Variants in CACNG1 observed in about 807,000 individuals in gnomAD.
CACNG1 encodes calcium voltage-gated channel auxiliary subunit gamma 1.
Under a neutral mutation model 22.0 loss-of-function variants are expected in CACNG1, and 21 were observed. That is an observed-to-expected ratio of 0.95 (90% CI 0.68 to 1.37). CACNG1 has a LOEUF of 1.37. Among genes scored for constraint, CACNG1 ranks in the 40% most tolerant of loss-of-function variants. The pLI, the probability that CACNG1 is intolerant of heterozygous loss-of-function variation, is 0.00. For synonymous variants in CACNG1, 127 were observed against 129.2 expected (o/e 0.98, Z 0.12); for missense variants, 291 against 308.6 (o/e 0.94, Z 0.43).
In CACNG1 at chr17:67,056,536, A is replaced by G. The variant is rs1180618826; in HGVS notation, c.*265A>G. The G allele has an allele frequency of 1.9e-6, 1 of 521,814 alleles. No homozygotes were observed. The highest frequency in any genetic ancestry group is 3.5e-6 in the Non-Finnish European group (1 of 289,008). The allele number at this position is 521,814 out of a possible 1,614,324, so 32.3% of individuals were successfully genotyped here. A position where few individuals can be genotyped will look rare whatever the true frequency, so the allele number is the denominator to read the frequency against. ...GTGGACAGGTGTTTGCAGGGGCCCAACTTCCCCTGGAGCTCAGAGGTGTCC... is the reference window on the plus strand; with the variant it reads ...GTGGACAGGTGTTTGCAGGGGCCCAGCTTCCCCTGGAGCTCAGAGGTGTCC... On this transcript the variant is annotated 3_prime_UTR_variant, in exon 4 of 4. Coordinates refer to ENST00000226021, the MANE Select transcript of CACNG1 (RefSeq NM_000727.4). This position sits in a 1 kb window ranked among gnomAD's most constrained non-coding sequence, Gnocchi z 4.3.
chr17:67,056,115 C>G lies in CACNG1; in HGVS notation c.513C>G (p.Thr171=), dbSNP rs754021424. The G allele has an allele frequency of 7.4e-6, 12 of 1,613,580 alleles. No homozygotes were observed. Among genetic ancestry groups the G allele is most frequent in the Non-Finnish European group, 1.0e-5 (12 of 1,179,942 alleles). ...SVKRMIDSED[T]VWIEYYYSWS... ...AGCGCATGATTGACAGTGAGGACAC[C>G]GTCTGGATCGAGTACTATTACTCCT... Residue 171 remains threonine (T), a synonymous_variant, in exon 4 of 4, where the codon ACC becomes ACG. Transcript: ENST00000226021. The surrounding 1 kb of genome is among the most constrained non-coding windows in gnomAD (Gnocchi z 4.3).
In CACNG1 at chr17:67,055,095, G is replaced by A; in HGVS notation, c.305-8G>A. 4.3e-6 allele frequency: 7 copies of A among 1,612,336 alleles called. No individual in the cohort carries two copies. The highest frequency in any genetic ancestry group is 5.9e-6 in the Non-Finnish European group (7 of 1,178,788). On this transcript the variant is annotated splice_region_variant and splice_polypyrimidine_tract_variant and intron_variant, in intron 2 of 3. Coordinates refer to ENST00000226021, the MANE Select transcript of CACNG1 (RefSeq NM_000727.4). The surrounding 1 kb of genome is among the most constrained non-coding windows in gnomAD (Gnocchi z 4.5). ...AGGCCGCATGCTGGGTGTCCCTTGTGTTTGCAGAGTACAGCATCTCGGCAG... is the reference window on the plus strand; with the variant it reads ...AGGCCGCATGCTGGGTGTCCCTTGTATTTGCAGAGTACAGCATCTCGGCAG...
intron 1 of CACNG1, among the ~76,000 whole-genome samples, chr17:67,046,223 C>T (rs1830368151): frequency 6.6e-6 from 1 of 152,220 alleles, no homozygotes; most frequent in Admixed American, 6.5e-5. Flanking sequence ...CCTTCCTCGG[C>T]TTACAGACGC....
In CACNG1 at chr17:67,056,049, C is replaced by T; in HGVS notation, c.447C>T (p.Leu149=). The T allele has an allele frequency of 6.2e-7, 1 of 1,610,242 alleles. No individual in the cohort carries two copies. Among genetic ancestry groups the T allele is most frequent in the East Asian group, 2.2e-5 (1 of 44,870 alleles). ...PASMFYAFAG[L]CILVSVEVMR... ...CATGCCTGGCTCTGCCCCCAGGTCTCTGCATCCTCGTCTCGGTGGAGGTCA... is the reference window on the plus strand; with the variant it reads ...CATGCCTGGCTCTGCCCCCAGGTCTTTGCATCCTCGTCTCGGTGGAGGTCA... Residue 149 remains leucine (L), a synonymous_variant, in exon 4 of 4, where the codon CTC becomes CTT. Coordinates refer to ENST00000226021, the MANE Select transcript of CACNG1 (RefSeq NM_000727.4). This position sits in a 1 kb window ranked among gnomAD's most constrained non-coding sequence, Gnocchi z 4.3.
chr17:67,044,624 G>GCCTAGGA lies in CACNG1; in HGVS notation c.-37_-36insCCTAGGA. Reference sequence around the variant, plus strand: ...ACCTGCCCTAGGAGACGCAGCCGCCGGACCCTGCCCAGGGCACCCACGCCT... The same window carrying GCCTAGGA: ...ACCTGCCCTAGGAGACGCAGCCGCCGCCTAGGAGACCCTGCCCAGGGCACCCACGCCT... On this transcript the variant is annotated 5_prime_UTR_variant, in exon 1 of 4. Coordinates refer to ENST00000226021, the MANE Select transcript of CACNG1 (RefSeq NM_000727.4). The surrounding 1 kb of genome is among the most constrained non-coding windows in gnomAD (Gnocchi z 6.9). The GCCTAGGA allele has an allele frequency of 6.9e-7, 1 of 1,456,920 alleles. No individual in the cohort carries two copies. Among genetic ancestry groups the GCCTAGGA allele is most frequent in the South Asian group, 1.1e-5 (1 of 87,602 alleles). The allele number at this position is 1,456,920 out of a possible 1,614,324, so 90.2% of individuals were successfully genotyped here. A position where few individuals can be genotyped will look rare whatever the true frequency, so the allele number is the denominator to read the frequency against.
intron 1 of CACNG1, among the ~76,000 whole-genome samples, chr17:67,053,719 T>G (rs2035741472): frequency 6.6e-6 from 1 of 152,204 alleles, no homozygotes; most frequent in Non-Finnish European, 1.5e-5. Flanking sequence ...CCTGTCTGCC[T>G]AATGGGGTGC....
rs899493575 is a variant in CACNG1, at chr17:67,054,839, GAC to G, written c.305-257_305-256del. Among the ~76,000 whole-genome samples, 5 of 149,388 alleles carry G rather than the reference GAC, an allele frequency of 3.3e-5. No individual in the cohort carries two copies. Among genetic ancestry groups the G allele is most frequent in the African/African-American group, 7.4e-5 (3 of 40,350 alleles). On this transcript the variant is annotated intron_variant, in intron 2 of 3. Coordinates refer to ENST00000226021, the MANE Select transcript of CACNG1 (RefSeq NM_000727.4). The surrounding 1 kb of genome is among the most constrained non-coding windows in gnomAD (Gnocchi z 4.6). ...TGACACAGACACAGAGACACACACT[GAC>G]ACACACGTACAATGACAGACACAGA...
intron 1 of CACNG1, among the ~76,000 whole-genome samples, chr17:67,049,012 A>G (rs2035713130): frequency 1.3e-5 from 2 of 152,226 alleles, no homozygotes. Context: ...GTGAAAAATA[A>G]TGTCCAAAAG....
At chr17:67,049,729 C>G (rs2035717717) in intron 1 of CACNG1, among the ~76,000 whole-genome samples, 1 of 152,162 alleles carries the variant, frequency 6.6e-6, no homozygotes, top group African/African-American at 2.4e-5. Flanking sequence ...CTCTATTGTG[C>G]ATGAAAACAC....
At chr17:67,052,753 C>T (rs1183734832) in intron 1 of CACNG1, among the ~76,000 whole-genome samples, 6 of 150,970 alleles carry the variant, frequency 4.0e-5, no homozygotes, top group East Asian at 3.9e-4. Context: ...GAAGATAAAC[C>T]GTATTTAGCA....
rs202082237 is a variant in CACNG1 at position 67,044,907 on chromosome 17, C to T, written c.229+18C>T. 24 of 1,582,486 alleles carry T rather than the reference C, an allele frequency of 1.5e-5. No homozygotes were observed. The East Asian group carries it at 2.7e-4, about 18-fold the overall frequency. On this transcript the variant is annotated intron_variant, in intron 1 of 3. Coordinates refer to ENST00000226021, the MANE Select transcript of CACNG1 (RefSeq NM_000727.4). This position sits in a 1 kb window ranked among gnomAD's most constrained non-coding sequence, Gnocchi z 6.9. The stretch of plus-strand genomic sequence containing the variant: ...GCCCGGGGGTAACGTACCCACCCTC[C>T]GTCCCGATCCCCACCTCCTGCTCTT...
rs113473709 is a variant in CACNG1, at chr17:67,055,392, G to A, written c.442+152G>A. The A allele has an allele frequency of 1.8e-3, 1,556 of 848,258 alleles. 20 individuals carry two copies. In the African/African-American group the frequency reaches 0.024, roughly 13 times the overall value. The allele number at this position is 848,258 out of a possible 1,614,324, so 52.5% of individuals were successfully genotyped here. On this transcript the variant is annotated intron_variant, in intron 3 of 3. Coordinates refer to ENST00000226021, the MANE Select transcript of CACNG1 (RefSeq NM_000727.4). The surrounding 1 kb of genome is among the most constrained non-coding windows in gnomAD (Gnocchi z 4.5). ...GGGCAAACCTGGCCAGGCCATCAGCGACTCCAGGTGGGTTGGAGGGAGACA... is the reference window on the plus strand; with the variant it reads ...GGGCAAACCTGGCCAGGCCATCAGCAACTCCAGGTGGGTTGGAGGGAGACA...
intron 1 of CACNG1, among the ~76,000 whole-genome samples, chr17:67,046,446 C>T (rs2035697287): frequency 6.6e-6 from 1 of 152,130 alleles, no homozygotes; most frequent in Non-Finnish European, 1.5e-5. Context: ...TTCCCTCCTG[C>T]TTGCTCCAGA....
chr17:67,045,996 T>G (rs2035694888), intron 1 of CACNG1, among the ~76,000 whole-genome samples: 1 of 152,202 alleles, frequency 6.6e-6, no homozygotes, highest in African/African-American at 2.4e-5. Flanking sequence ...TACCTGGTAG[T>G]CGCGTGACTA....
intron 1 of CACNG1, among the ~76,000 whole-genome samples, chr17:67,049,044 C>A (rs547976931): frequency 6.6e-6 from 1 of 152,124 alleles, no homozygotes; most frequent in Non-Finnish European, 1.5e-5. Flanking sequence ...GGATGAAAAA[C>A]GTTAAAAATC....
chr17:67,056,160 TGCC>T lies in CACNG1; in HGVS notation c.562_564del (p.Ala188del). The T allele has an allele frequency of 1.9e-6, 3 of 1,613,948 alleles. No individual in the cohort carries two copies. Among genetic ancestry groups the T allele is most frequent in the South Asian group, 1.1e-5 (1 of 91,056 alleles). On this transcript the variant is annotated inframe_deletion, in exon 4 of 4. Transcript: ENST00000226021. The surrounding 1 kb of genome is among the most constrained non-coding windows in gnomAD (Gnocchi z 4.3). ...ACTCCTGGTCCTTTGCCTGCGCCTG[TGCC>T]GCCTTCATCCTCCTCTTTCTCGGCG... is the stretch of plus-strand genomic sequence containing the variant.
At position 67,056,330 on chromosome 17, in the gene CACNG1, G is replaced by A; in HGVS notation, c.*59G>A. ...TCCCCAGGAAGCGGGGTCTTGGCCT[G>A]GAACCTTCCAGAGAGGAGGCGGGAG... On this transcript the variant is annotated 3_prime_UTR_variant, in exon 4 of 4. Coordinates refer to ENST00000226021, the MANE Select transcript of CACNG1 (RefSeq NM_000727.4). This position sits in a 1 kb window ranked among gnomAD's most constrained non-coding sequence, Gnocchi z 4.3. The A allele has an allele frequency of 2.0e-6, 3 of 1,525,376 alleles. No homozygotes were observed. The highest frequency in any genetic ancestry group is 2.7e-6 in the Non-Finnish European group (3 of 1,105,730). 94.5% of individuals were successfully genotyped at this position (1,525,376 alleles called of 1,614,324 possible).
intron 1 of CACNG1, among the ~76,000 whole-genome samples, chr17:67,046,124 C>T (rs2143406935): frequency 6.6e-6 from 1 of 152,296 alleles, no homozygotes; most frequent in Middle Eastern, 3.4e-3. Context: ...CCACTACCCT[C>T]AAATGACCAT....
Position 67,044,873 on chromosome 17 carries a change from C to T in CACNG1, c.213C>T (p.Pro71=), listed in dbSNP as rs1567764944. ...IPMDDSKTCG[P]ITLPGEKNCS... ...TGGACGACAGCAAGACCTGCGGGCC[C>T]ATCACCCTGCCCGGGGGTAACGTAC... The change falls in exon 1 of 4, where the codon CCC becomes CCT. Residue 71 remains proline (P), a synonymous_variant. Coordinates refer to ENST00000226021, the MANE Select transcript of CACNG1 (RefSeq NM_000727.4). This position sits in a 1 kb window ranked among gnomAD's most constrained non-coding sequence, Gnocchi z 6.9. 6.2e-7 allele frequency: 1 copy of T among 1,612,704 alleles called. No homozygotes were observed. Among genetic ancestry groups the T allele is most frequent in the Admixed American group, 1.7e-5 (1 of 60,002 alleles).
Sources: allele counts gnomAD v4.1 joint callset (sites outside exome capture counted in the v4.1 genomes callset), GRCh38; gene constraint gnomAD v4.1.1; non-coding constraint Gnocchi (gnomAD v3.1); transcripts MANE v1.5; gene names NCBI Gene and HGNC (gene_info 2026-07-23, HGNC 2026-07-21).